JAKMIP1: variants seen among roughly 807,000 people sequenced by gnomAD.
JAKMIP1 encodes the protein janus kinase and microtubule interacting protein 1.
A neutral mutation model predicts 113.0 loss-of-function variants in JAKMIP1; 33 were observed. That is an observed-to-expected ratio of 0.29 (90% CI 0.22 to 0.39). The LOEUF is 0.39. JAKMIP1 is among the 10% of genes least tolerant of loss of function. The pLI is 1.00. For missense variants in JAKMIP1, 813 were observed against 1,080.5 expected (o/e 0.75, Z 3.47); for synonymous variants, 480 against 459.9 (o/e 1.04, Z -0.56).
Position 6,158,390 on chromosome 4 carries a change from T to C in JAKMIP1, c.-148+41863A>G, listed in dbSNP as rs1462463942. Reference sequence around the variant, plus strand: ...TCTCAGTGATGGCCACAGGTGAACGTGGCTCCAGGAAGGCTTCCAGAGGCA... The same window carrying C: ...TCTCAGTGATGGCCACAGGTGAACGCGGCTCCAGGAAGGCTTCCAGAGGCA... On this transcript the variant is annotated intron_variant, in intron 1 of 20. Coordinates refer to ENST00000409021, the MANE Select transcript of JAKMIP1 (RefSeq NM_001099433.2). The surrounding 1 kb of genome is among the most constrained non-coding windows in gnomAD (Gnocchi z 5.3). 6.6e-6 allele frequency among the ~76,000 whole-genome samples: 1 copy of C among 152,200 alleles called. No individual in the cohort carries two copies. The highest frequency in any genetic ancestry group is 6.5e-5 in the Admixed American group (1 of 15,284).
chr4:6,100,629 T>A (rs1273428085), intron 3 of JAKMIP1, among the ~76,000 whole-genome samples: 1 of 152,206 alleles, frequency 6.6e-6, no homozygotes, highest in Non-Finnish European at 1.5e-5. Flanking sequence ...GTGTCCTTTT[T>A]TTAGACTTTT....
chr4:6,037,629 T>C (rs1372495345), intron 18 of JAKMIP1, among the ~76,000 whole-genome samples: 1 of 143,854 alleles, frequency 7.0e-6, no homozygotes, highest in East Asian at 2.1e-4. Flanking sequence ...TATCCCTCCA[T>C]CACCGAGGCA....
Position 6,185,947 on chromosome 4 carries a change from C to CT in JAKMIP1, c.-148+14305dup, listed in dbSNP as rs1046756865. 6.6e-5 allele frequency among the ~76,000 whole-genome samples: 10 copies of CT among 152,042 alleles called. No homozygotes were observed. Among genetic ancestry groups the CT allele is most frequent in the Admixed American group, 6.6e-5 (1 of 15,248 alleles). On this transcript the variant is annotated intron_variant, in intron 1 of 20. Transcript: ENST00000409021. This position sits in a 1 kb window ranked among gnomAD's most constrained non-coding sequence, Gnocchi z 5.3. ...AAATATGACACTAGTTCAGACTGGACTTTTTTTTAATTACCTCAGTGTGGA... is the reference window on the plus strand; with the variant it reads ...AAATATGACACTAGTTCAGACTGGACTTTTTTTTTAATTACCTCAGTGTGGA...
rs560518980 is a variant in JAKMIP1 at position 6,160,332 on chromosome 4, C to T, written c.-148+39921G>A. ...AATGTTCTTTCCTCTATACCAGCAACAACCAATTAGTGGATAAAACTGGAA... is the reference window on the plus strand; with the variant it reads ...AATGTTCTTTCCTCTATACCAGCAATAACCAATTAGTGGATAAAACTGGAA... On this transcript the variant is annotated intron_variant, in intron 1 of 20. Transcript: ENST00000409021. Among the ~76,000 whole-genome samples the T allele has an allele frequency of 3.3e-4, 51 of 152,290 alleles. 1 individual carries two copies. The highest frequency in any genetic ancestry group is 1.2e-3 in the African/African-American group (51 of 41,560).
intron 1 of JAKMIP1, among the ~76,000 whole-genome samples, chr4:6,130,904 T>C (rs1718399386): frequency 6.6e-6 from 1 of 151,720 alleles, no homozygotes; most frequent in Non-Finnish European, 1.5e-5. Flanking sequence ...TCAGGCGCGA[T>C]GGTTCAAACC....
At chr4:6,063,450 C>G (rs16838162) in intron 9 of JAKMIP1, among the ~76,000 whole-genome samples, 22,971 of 152,240 alleles carry the variant, frequency 0.15, 2,600 homozygotes, top group African/African-American at 0.31. Context: ...TAGTCCAGAC[C>G]CCTGTGCAGG....
chr4:6,125,179 T>G (rs1717233948), intron 1 of JAKMIP1, among the ~76,000 whole-genome samples: 1 of 151,998 alleles, frequency 6.6e-6, no homozygotes, highest in South Asian at 2.1e-4. Flanking sequence ...CCACCCCACA[T>G]AGGCACCACA....
intron 7 of JAKMIP1, among the ~76,000 whole-genome samples, chr4:6,079,888 TG>T (rs1391625175): frequency 6.6e-6 from 1 of 152,186 alleles, no homozygotes; most frequent in Non-Finnish European, 1.5e-5. Context: ...TCCTTAAAAC[TG>T]ATGCTTCTCA....
chr4:6,110,222 G>A (rs770226634), intron 2 of JAKMIP1, among the ~76,000 whole-genome samples: 5 of 152,264 alleles, frequency 3.3e-5, no homozygotes, highest in East Asian at 1.9e-4. Context: ...GCCCTAATCC[G>A]ATTTGCCTGG....
At chr4:6,124,018 C>T (rs1717066342) in intron 1 of JAKMIP1, among the ~76,000 whole-genome samples, 1 of 152,214 alleles carries the variant, frequency 6.6e-6, no homozygotes, top group Non-Finnish European at 1.5e-5. Context: ...GTTTTCCTAA[C>T]ACGTACTCTG....
rs1718315270 is a variant in JAKMIP1 at position 6,067,641 on chromosome 4, CTG to C, written c.1303-2635_1303-2634del. 6.8e-6 allele frequency among the ~76,000 whole-genome samples: 1 copy of C among 146,866 alleles called. No individual in the cohort carries two copies. The highest frequency in any genetic ancestry group is 2.5e-5 in the African/African-American group (1 of 39,246). The stretch of plus-strand genomic sequence containing the variant: ...GAGCTCCAGGTTCACTCAAGCTCTT[CTG>C]CACACACACACACAGGTCACCCCCT... On this transcript the variant is annotated intron_variant, in intron 8 of 20. Transcript: ENST00000409021. The surrounding 1 kb of genome is among the most constrained non-coding windows in gnomAD (Gnocchi z 4.6).
chr4:6,134,978 A>G (rs2108945390), intron 1 of JAKMIP1, among the ~76,000 whole-genome samples: 1 of 152,286 alleles, frequency 6.6e-6, no homozygotes, highest in African/African-American at 2.4e-5. Flanking sequence ...CTCCACACAC[A>G]AGACAGCGTC....
intron 1 of JAKMIP1, among the ~76,000 whole-genome samples, chr4:6,161,617 A>G (rs577693432): frequency 1.3e-5 from 2 of 152,086 alleles, no homozygotes; most frequent in Admixed American, 1.3e-4. Context: ...GAAGGAAGGC[A>G]AGGAACCCAC....
chr4:6,199,649 G>A lies in JAKMIP1; in HGVS notation c.-148+604C>T, dbSNP rs1337604136. Among the ~76,000 whole-genome samples, 3 of 151,786 alleles carry A rather than the reference G, an allele frequency of 2.0e-5. No homozygotes were observed. Among genetic ancestry groups the A allele is most frequent in the East Asian group, 3.9e-4 (2 of 5,128 alleles). On this transcript the variant is annotated intron_variant, in intron 1 of 20. Transcript: ENST00000409021. The surrounding 1 kb of genome is among the most constrained non-coding windows in gnomAD (Gnocchi z 5.6). Reference sequence around the variant, plus strand: ...GGCGCCCACGTGGGCGGAGCAGCGCGAGGGTGTGCGTGGCAGGGGCCGCGG... The same window carrying A: ...GGCGCCCACGTGGGCGGAGCAGCGCAAGGGTGTGCGTGGCAGGGGCCGCGG...
intron 1 of JAKMIP1, among the ~76,000 whole-genome samples, chr4:6,160,646 T>G (rs1371383699): frequency 6.6e-6 from 1 of 152,034 alleles, no homozygotes; most frequent in Admixed American, 6.6e-5. Flanking sequence ...ACACGCTTGC[T>G]CATCCCCATT....
Position 6,122,223 on chromosome 4 carries a change from G to A in JAKMIP1, c.-147-9226C>T, listed in dbSNP as rs571604485. 2.0e-5 allele frequency among the ~76,000 whole-genome samples: 3 copies of A among 152,292 alleles called. No individual in the cohort carries two copies. The South Asian group carries it at 6.2e-4, about 32-fold the overall frequency. On this transcript the variant is annotated intron_variant, in intron 1 of 20. Coordinates refer to ENST00000409021, the MANE Select transcript of JAKMIP1 (RefSeq NM_001099433.2). ...AGCCTGTAATCCCAACTGTTCAGAA[G>A]GCCGAGGCAGGAGATTCGCTTGAAC...
rs1398675295 is a variant in JAKMIP1, at chr4:6,061,962, G to C, written c.1560+350C>G. 6.6e-6 allele frequency among the ~76,000 whole-genome samples: 1 copy of C among 152,184 alleles called. No individual in the cohort carries two copies. Among genetic ancestry groups the C allele is most frequent in the African/African-American group, 2.4e-5 (1 of 41,444 alleles). On this transcript the variant is annotated intron_variant, in intron 10 of 20. Transcript: ENST00000409021. This position sits in a 1 kb window ranked among gnomAD's most constrained non-coding sequence, Gnocchi z 5.3. ...CTGGTGGATGTCCTGGAGGGCGGGGGGCTGGCAGCCCTGGAGGGAGCGGAG... is the reference window on the plus strand; with the variant it reads ...CTGGTGGATGTCCTGGAGGGCGGGGCGCTGGCAGCCCTGGAGGGAGCGGAG...
rs1016518067 is a variant in JAKMIP1 at position 6,044,670 on chromosome 4, G to C, written c.2029-2443C>G. On this transcript the variant is annotated intron_variant, in intron 16 of 20. Transcript: ENST00000409021. The surrounding 1 kb of genome is among the most constrained non-coding windows in gnomAD (Gnocchi z 4.4). Reference sequence around the variant, plus strand: ...CAGGTTTGGATGATTACAACATGCTGCTCTCAGAACGGTTTCTGCAGAACA... The same window carrying C: ...CAGGTTTGGATGATTACAACATGCTCCTCTCAGAACGGTTTCTGCAGAACA... Among the ~76,000 whole-genome samples the C allele has an allele frequency of 3.3e-5, 5 of 152,118 alleles. No individual in the cohort carries two copies. The highest frequency in any genetic ancestry group is 5.9e-5 in the Non-Finnish European group (4 of 68,044).
rs1161796588 is a variant in JAKMIP1 at position 6,093,745 on chromosome 4, G to A, written c.625-8116C>T. ...CCCTGAAAAGTATCCTGTCTCCAGA[G>A]AGGAATGATGCTTACTTGGGAAGAG... On this transcript the variant is annotated intron_variant, in intron 3 of 20. Transcript: ENST00000409021. This position sits in a 1 kb window ranked among gnomAD's most constrained non-coding sequence, Gnocchi z 4.6. Among the ~76,000 whole-genome samples the A allele has an allele frequency of 6.6e-6, 1 of 152,160 alleles. No homozygotes were observed. Among genetic ancestry groups the A allele is most frequent in the Non-Finnish European group, 1.5e-5 (1 of 68,022 alleles).
Sources: gnomAD v4.1 joint callset for allele counts (sites outside exome capture counted in the v4.1 genomes callset) on GRCh38, gnomAD v4.1.1 for gene constraint, Gnocchi (gnomAD v3.1) non-coding constraint, MANE v1.5 for transcripts, NCBI Gene and HGNC (gene_info 2026-07-23, HGNC 2026-07-21) for gene names.